Variants in THSD4 observed in about 807,000 individuals in gnomAD.
The protein encoded by THSD4 is thrombospondin type 1 domain containing 4.
A neutral mutation model predicts 119.0 loss-of-function variants in THSD4; 69 were observed. That is an observed-to-expected ratio of 0.58 (90% CI 0.48 to 0.71). THSD4 has a LOEUF of 0.71. Ranked by LOEUF, THSD4 falls within the 30% of genes least tolerant of loss-of-function variation. The pLI is 0.00. For synonymous variants in THSD4, 524 were observed against 540.4 expected (o/e 0.97, Z 0.42); for missense variants, 1,393 against 1,391.1 (o/e 1.00, Z -0.02).
intron 7 of THSD4, among the ~76,000 whole-genome samples, chr15:71,510,062 A>T (rs921045447): frequency 2.0e-5 from 3 of 152,220 alleles, no homozygotes; most frequent in African/African-American, 7.2e-5. Context: ...GTAATGAATA[A>T]CCCTAGAGCT....
chr15:71,465,033 T>C (rs1251462575), intron 7 of THSD4, among the ~76,000 whole-genome samples: 2 of 152,174 alleles, frequency 1.3e-5, no homozygotes, highest in African/African-American at 4.8e-5. Context: ...GACCTTTACC[T>C]GAGTTATTTT....
intron 8 of THSD4, among the ~76,000 whole-genome samples, chr15:71,681,933 T>C (rs932530987): frequency 2.0e-5 from 3 of 152,118 alleles, no homozygotes; most frequent in African/African-American, 7.2e-5. Context: ...TATTCTCTGA[T>C]GTGTTGGTCT....
intron 7 of THSD4, among the ~76,000 whole-genome samples, chr15:71,564,775 GTATATTATAACATATAATACAATATATA>G (rs2049200238): frequency 1.3e-4 from 1 of 7,722 alleles, no homozygotes; most frequent in Non-Finnish European, 4.6e-4. Context: ...AATATATATT[GTATATTATAACATATAATACAATATATA>G]TTGTATATTA....
chr15:71,522,069 C>CT (rs2140788158), intron 7 of THSD4, among the ~76,000 whole-genome samples: 1 of 152,240 alleles, frequency 6.6e-6, no homozygotes, highest in Non-Finnish European at 1.5e-5. Context: ...ATTTTTCACC[C>CT]TTTTACACCT....
At chr15:71,106,130 T>C (rs535340100) in intron 1 of THSD4, among the ~76,000 whole-genome samples, 3 of 152,166 alleles carry the variant, frequency 2.0e-5, no homozygotes, top group Non-Finnish European at 4.4e-5. Flanking sequence ...GAATAAATTA[T>C]TGTGGAAGGT....
At chr15:71,693,017 A>T (rs931744243) in intron 8 of THSD4, among the ~76,000 whole-genome samples, 1 of 152,162 alleles carries the variant, frequency 6.6e-6, no homozygotes, top group East Asian at 1.9e-4. Flanking sequence ...AAAGGGAGAT[A>T]AAAAGGTCTC....
chr15:71,690,973 A>C (rs2052036215), intron 8 of THSD4, among the ~76,000 whole-genome samples: 1 of 152,230 alleles, frequency 6.6e-6, no homozygotes, highest in South Asian at 2.1e-4. Context: ...TAAGGTCCTA[A>C]TGAAGACCCT....
chr15:71,521,477 A>T (rs769429496), intron 7 of THSD4, among the ~76,000 whole-genome samples: 6 of 152,212 alleles, frequency 3.9e-5, no homozygotes, highest in Non-Finnish European at 8.8e-5. Flanking sequence ...TGGGTGGATG[A>T]TCGGATCTCA....
At chr15:71,505,250 C>T (rs2048170199) in intron 7 of THSD4, among the ~76,000 whole-genome samples, 1 of 152,228 alleles carries the variant, frequency 6.6e-6, no homozygotes, top group South Asian at 2.1e-4. Context: ...ATGCCCAGAA[C>T]ACTGCATCTT....
At chr15:71,117,203 G>A (rs2040370626) in intron 1 of THSD4, among the ~76,000 whole-genome samples, 1 of 152,144 alleles carries the variant, frequency 6.6e-6, no homozygotes, top group Non-Finnish European at 1.5e-5. Flanking sequence ...GCACTGGGCG[G>A]GGCACCAGCT....
chr15:71,282,446 A>G (rs1046867663), intron 6 of THSD4, among the ~76,000 whole-genome samples: 12 of 145,172 alleles, frequency 8.3e-5, no homozygotes, highest in African/African-American at 2.3e-4. Context: ...GAGATGTGTT[A>G]CTTGTTTGTA....
chr15:71,443,699 C>A (rs905636457), intron 7 of THSD4, among the ~76,000 whole-genome samples: 2 of 150,440 alleles, frequency 1.3e-5, no homozygotes, highest in African/African-American at 4.9e-5. Flanking sequence ...TTCCACGTTG[C>A]GCTTTTTGAA....
intron 8 of THSD4, among the ~76,000 whole-genome samples, chr15:71,686,270 A>G (rs1252846693): frequency 6.6e-6 from 1 of 152,178 alleles, no homozygotes; most frequent in Non-Finnish European, 1.5e-5. Context: ...TACTTGAGGC[A>G]TCTGTTGAGA....
intron 1 of THSD4, among the ~76,000 whole-genome samples, chr15:71,122,556 A>G (rs1011243639): frequency 6.6e-6 from 1 of 152,194 alleles, no homozygotes; most frequent in Non-Finnish European, 1.5e-5. Context: ...GCATAATGCC[A>G]CTGCTAATAT....
intron 16 of THSD4, among the ~76,000 whole-genome samples, chr15:71,768,560 A>ATTTTTTTT (rs964263863): frequency 6.0e-5 from 6 of 99,276 alleles, no homozygotes; most frequent in Admixed American, 3.9e-4. Flanking sequence ...GCAGATCCTG[A>ATTTTTTTT]TTTTTTTTTT....
chr15:71,242,004 CCATTG>C (rs1348333615), intron 4 of THSD4, among the ~76,000 whole-genome samples: 1 of 152,052 alleles, frequency 6.6e-6, no homozygotes, highest in Admixed American at 6.5e-5. Context: ...GGCCATTTAC[CCATTG>C]CTTTGCCTGG....
intron 7 of THSD4, among the ~76,000 whole-genome samples, chr15:71,426,440 T>C (rs920547): frequency 0.64 from 96,148 of 150,974 alleles, 30,998 homozygotes; most frequent in Middle Eastern, 0.77. Flanking sequence ...CTCCTTTATA[T>C]ATACACTATT....
At chr15:71,674,097 T>C (rs1001083100) in intron 8 of THSD4, among the ~76,000 whole-genome samples, 1 of 152,236 alleles carries the variant, frequency 6.6e-6, no homozygotes, top group Non-Finnish European at 1.5e-5. Flanking sequence ...GACCTCATTC[T>C]ATTCAGAGAA....
intron 7 of THSD4, among the ~76,000 whole-genome samples, chr15:71,651,096 G>A (rs908386296): frequency 6.6e-6 from 1 of 152,132 alleles, no homozygotes; most frequent in Admixed American, 6.5e-5. Context: ...CTGTAAGATG[G>A]CTCCATCAAA....
Sources: gnomAD v4.1 joint callset for allele counts (sites outside exome capture counted in the v4.1 genomes callset) on GRCh38, gnomAD v4.1.1 for gene constraint, MANE v1.5 for transcripts, NCBI Gene and HGNC (gene_info 2026-07-23, HGNC 2026-07-21) for gene names.